Variants in MGAT5 observed in about 807,000 individuals in gnomAD.
The protein encoded by MGAT5 is alpha-1,6-mannosylglycoprotein 6-beta-N-acetylglucosaminyltransferase, also known as alpha-1,6-mannosylglycoprotein 6-beta-N-acetylglucosaminyltransferase A.
In MGAT5, 30 loss-of-function variants were observed where a neutral mutation model predicts 94.3. The observed-to-expected ratio is 0.32, with a 90% confidence interval of 0.24 to 0.43. The LOEUF (loss-of-function observed/expected upper bound fraction) is 0.43, where lower values mean the gene tolerates loss of function less well. Ranked by LOEUF, MGAT5 falls within the 20% of genes least tolerant of loss-of-function variation. MGAT5 has a pLI of 1.00. For missense variants in MGAT5, 691 were observed against 905.5 expected (o/e 0.76, Z 3.04); for synonymous variants, 310 against 322.9 (o/e 0.96, Z 0.43).
chr2:134,201,264 A>C (rs1423871076), intron 1 of MGAT5, among the ~76,000 whole-genome samples: 1 of 152,098 alleles, frequency 6.6e-6, no homozygotes, highest in African/African-American at 2.4e-5. Context: ...GTGTTAAATA[A>C]GGCAAAAGTA....
intron 1 of MGAT5, among the ~76,000 whole-genome samples, chr2:134,125,679 C>G (rs1488918276): frequency 6.6e-6 from 1 of 152,236 alleles, no homozygotes; most frequent in East Asian, 1.9e-4. Context: ...TTGATGGCCA[C>G]TGGGCATCTG....
intron 1 of MGAT5, among the ~76,000 whole-genome samples, chr2:134,225,705 T>C (rs1196069030): frequency 1.3e-5 from 2 of 152,186 alleles, no homozygotes; most frequent in African/African-American, 4.8e-5. Context: ...ATGCTGGAGA[T>C]AGAAGCAGTA....
intron 10 of MGAT5, among the ~76,000 whole-genome samples, chr2:134,382,909 TAGTATCA>T (rs1236206861): frequency 6.6e-6 from 1 of 152,258 alleles, no homozygotes; most frequent in Non-Finnish European, 1.5e-5. Context: ...TGTAATTATG[TAGTATCA>T]TTAACACATA....
chr2:134,372,256 A>G (rs1194563803), intron 10 of MGAT5, among the ~76,000 whole-genome samples: 1 of 152,234 alleles, frequency 6.6e-6, no homozygotes, highest in Non-Finnish European at 1.5e-5. Context: ...CCTCGGTTGC[A>G]TCCAGTGCTC....
At chr2:134,264,568 AT>A (rs1042897990) in intron 1 of MGAT5, among the ~76,000 whole-genome samples, 1 of 152,168 alleles carries the variant, frequency 6.6e-6, no homozygotes, top group Non-Finnish European at 1.5e-5. Context: ...TAATAACGCT[AT>A]TTTATAAATA....
chr2:134,183,873 C>G (rs1688871119), intron 1 of MGAT5, among the ~76,000 whole-genome samples: 1 of 152,138 alleles, frequency 6.6e-6, no homozygotes, highest in Admixed American at 6.5e-5. Flanking sequence ...CCATGCGGGA[C>G]ATGAAAAACG....
chr2:134,120,311 G>A (rs1685503554), intron 1 of MGAT5: 3 of 391,334 alleles, frequency 7.7e-6, no homozygotes, highest in Non-Finnish European at 1.4e-5. Flanking sequence ...GCCGGATCCG[G>A]GTGATCGCGT....
At chr2:134,131,704 C>T (rs752236797) in intron 1 of MGAT5, among the ~76,000 whole-genome samples, 1 of 151,774 alleles carries the variant, frequency 6.6e-6, no homozygotes, top group Non-Finnish European at 1.5e-5. Context: ...CTTCTTCCCC[C>T]ACCCTGGTCC....
chr2:134,398,623 G>A (rs1252202098), intron 10 of MGAT5, among the ~76,000 whole-genome samples: 2 of 152,136 alleles, frequency 1.3e-5, no homozygotes, highest in East Asian at 1.9e-4. Flanking sequence ...AGAGATATCC[G>A]CATCCCCATG....
chr2:134,191,947 C>T (rs1269305232), intron 1 of MGAT5, among the ~76,000 whole-genome samples: 1 of 148,068 alleles, frequency 6.8e-6, no homozygotes, highest in Admixed American at 6.7e-5. Context: ...GGATTCGTGC[C>T]CTCCTTCTCC....
intron 1 of MGAT5, among the ~76,000 whole-genome samples, chr2:134,178,125 G>T (rs1423952981): frequency 6.6e-6 from 1 of 151,994 alleles, no homozygotes; most frequent in African/African-American, 2.4e-5. Flanking sequence ...GAGATTTTGG[G>T]AGTGAGTTTG....
intron 4 of MGAT5, among the ~76,000 whole-genome samples, chr2:134,335,775 A>G (rs141078968): frequency 2.0e-4 from 30 of 152,268 alleles, no homozygotes; most frequent in Middle Eastern, 3.4e-3. Context: ...TGTGGCTCCA[A>G]TGCCATTCCC....
intron 1 of MGAT5, among the ~76,000 whole-genome samples, chr2:134,189,402 G>A (rs140582712): frequency 1.9e-3 from 285 of 152,186 alleles, no homozygotes; most frequent in African/African-American, 6.6e-3. Flanking sequence ...AGGGGCAAAG[G>A]CCAGTCAGAT....
At chr2:134,165,216 G>A (rs1001947981) in intron 1 of MGAT5, among the ~76,000 whole-genome samples, 1 of 152,238 alleles carries the variant, frequency 6.6e-6, no homozygotes, top group East Asian at 1.9e-4. Flanking sequence ...GGGCATCGCT[G>A]CTCTAGCTGA....
At chr2:134,142,434 A>G (rs1686701440) in intron 1 of MGAT5, among the ~76,000 whole-genome samples, 1 of 152,228 alleles carries the variant, frequency 6.6e-6, no homozygotes, top group Non-Finnish European at 1.5e-5. Flanking sequence ...CATAGTGACA[A>G]CACTGGAGCC....
In MGAT5 at chr2:134,193,277, C is replaced by T. The variant is rs373942139; in HGVS notation, c.-142-60985C>T. On this transcript the variant is annotated intron_variant, in intron 1 of 16. Transcript: ENST00000409645. ...AGCTGGGACTACAGGGACATGCCAA[C>T]ATGCCTAGCTACTTTATTTTGTAGA... is the stretch of plus-strand genomic sequence containing the variant. 5.9e-4 allele frequency among the ~76,000 whole-genome samples: 90 copies of T among 152,206 alleles called. 1 individual carries two copies. The highest frequency in any genetic ancestry group is 2.0e-3 in the African/African-American group (84 of 41,534).
intron 1 of MGAT5, among the ~76,000 whole-genome samples, chr2:134,206,067 T>C (rs1023441979): frequency 4.6e-5 from 7 of 152,226 alleles, no homozygotes; most frequent in African/African-American, 1.7e-4. Context: ...ATATTTGTGA[T>C]AGGGATTATT....
At chr2:134,330,212 G>T (rs901731199) in intron 4 of MGAT5, among the ~76,000 whole-genome samples, 11 of 152,160 alleles carry the variant, frequency 7.2e-5, no homozygotes, top group African/African-American at 2.4e-4. Context: ...AATTAAGAGG[G>T]TTACCTGATC....
chr2:134,351,806 A>G (rs1679401845), intron 9 of MGAT5, among the ~76,000 whole-genome samples: 1 of 152,196 alleles, frequency 6.6e-6, no homozygotes, highest in African/African-American at 2.4e-5. Flanking sequence ...ACAGAGGGCT[A>G]AATTACTAAC....
Sources: gnomAD v4.1 joint callset for allele counts (sites outside exome capture counted in the v4.1 genomes callset) on GRCh38, gnomAD v4.1.1 for gene constraint, MANE v1.5 for transcripts, NCBI Gene and HGNC (gene_info 2026-07-23, HGNC 2026-07-21) for gene names.